DLC1: variants seen among roughly 807,000 people sequenced by gnomAD.
DLC1 encodes rho GTPase-activating protein 7.
In DLC1, 54 loss-of-function variants were observed where a neutral mutation model predicts 140.3. The ratio of observed to expected loss-of-function variants is 0.38; its 90% CI spans 0.31 to 0.48. The LOEUF (loss-of-function observed/expected upper bound fraction) is 0.48. Among genes scored for constraint, DLC1 ranks in the 20% least tolerant of loss-of-function variants. The pLI, the probability that DLC1 is intolerant of heterozygous loss-of-function variation, is 0.96. For synonymous variants in DLC1, 986 were observed against 728.1 expected (o/e 1.35, Z -5.70); for missense variants, 2,536 against 1,907.0 (o/e 1.33, Z -6.14).
At chr8:13,235,071 G>A (rs1829217728) in intron 5 of DLC1, among the ~76,000 whole-genome samples, 1 of 151,888 alleles carries the variant, frequency 6.6e-6, no homozygotes, top group Non-Finnish European at 1.5e-5. Context: ...GTTATCTTTT[G>A]GTGATTTTTG....
intron 4 of DLC1, among the ~76,000 whole-genome samples, chr8:13,377,727 A>T (rs1563297307): frequency 6.6e-6 from 1 of 151,848 alleles, no homozygotes; most frequent in African/African-American, 2.4e-5. Context: ...AACCTCTGAA[A>T]TTTTTTTTAA....
chr8:13,170,461 T>C (rs1433270359), intron 5 of DLC1, among the ~76,000 whole-genome samples: 1 of 152,202 alleles, frequency 6.6e-6, no homozygotes, highest in Non-Finnish European at 1.5e-5. Context: ...CCGGGCGCGG[T>C]GGCTCACGCC....
chr8:13,226,863 G>T (rs1218098872), intron 5 of DLC1, among the ~76,000 whole-genome samples: 2 of 152,016 alleles, frequency 1.3e-5, no homozygotes, highest in Non-Finnish European at 2.9e-5. Flanking sequence ...GATTGTCCTG[G>T]GTATAGCCTT....
At position 13,287,222 on chromosome 8, in the gene DLC1, A is replaced by G. The variant is rs1179141638; in HGVS notation, c.1348+18047T>C. On this transcript the variant is annotated intron_variant, in intron 5 of 17. Coordinates refer to ENST00000276297, the MANE Select transcript of DLC1 (RefSeq NM_182643.3). ...GGCTTTCTGGCCTCTGAAACTAATC[A>G]AAGTGTGGCCAATTCAATGTATGGC... Among the ~76,000 whole-genome samples, 4 of 152,132 alleles carry G rather than the reference A, an allele frequency of 2.6e-5. No homozygotes were observed. The East Asian group carries it at 5.8e-4, about 22-fold the overall frequency.
chr8:13,258,661 A>G (rs1352764420), intron 5 of DLC1, among the ~76,000 whole-genome samples: 1 of 152,200 alleles, frequency 6.6e-6, no homozygotes, highest in Non-Finnish European at 1.5e-5. Flanking sequence ...TGGTTGTTGC[A>G]GTACTTCAAA....
At chr8:13,205,270 A>C (rs933586064) in intron 5 of DLC1, among the ~76,000 whole-genome samples, 3 of 152,222 alleles carry the variant, frequency 2.0e-5, no homozygotes, top group Non-Finnish European at 2.9e-5. Flanking sequence ...GCAATTGTGC[A>C]AGATGATCCA....
intron 1 of DLC1, among the ~76,000 whole-genome samples, chr8:13,604,309 A>T (rs944225509): frequency 3.3e-5 from 5 of 152,154 alleles, no homozygotes; most frequent in Non-Finnish European, 7.4e-5. Context: ...ACATTTTTGG[A>T]TGAATATAGT....
At chr8:13,384,087 G>A (rs1468120586) in intron 4 of DLC1, among the ~76,000 whole-genome samples, 3 of 152,326 alleles carry the variant, frequency 2.0e-5, no homozygotes, top group African/African-American at 7.2e-5. Flanking sequence ...TCATGAGGTT[G>A]CGTTATTGTT....
At chr8:13,347,151 G>A (rs886138665) in intron 4 of DLC1, among the ~76,000 whole-genome samples, 5 of 152,270 alleles carry the variant, frequency 3.3e-5, no homozygotes, top group African/African-American at 4.8e-5. Context: ...TGTGGGTCAC[G>A]GAATATGTTC....
chr8:13,376,497 C>A (rs1443946468), intron 4 of DLC1, among the ~76,000 whole-genome samples: 1 of 152,110 alleles, frequency 6.6e-6, no homozygotes, highest in African/African-American at 2.4e-5. Flanking sequence ...GCAACCTACC[C>A]TTTCAATCAG....
chr8:13,505,507 T>G (rs1802017606), intron 1 of DLC1, among the ~76,000 whole-genome samples: 1 of 152,200 alleles, frequency 6.6e-6, no homozygotes, highest in Admixed American at 6.5e-5. Context: ...TAATTTAAAT[T>G]TTAAAATGTT....
chr8:13,309,744 G>A (rs532946646), intron 4 of DLC1, among the ~76,000 whole-genome samples: 14 of 152,158 alleles, frequency 9.2e-5, no homozygotes, highest in Non-Finnish European at 1.6e-4. Context: ...ACACCTTTTA[G>A]GAACTCACAC....
At chr8:13,534,383 G>T (rs139702781) in intron 1 of DLC1, among the ~76,000 whole-genome samples, 1 of 151,872 alleles carries the variant, frequency 6.6e-6, no homozygotes, top group Non-Finnish European at 1.5e-5. Context: ...CACACCCCTC[G>T]CTAACTGTAA....
At chr8:13,403,525 A>C (rs1482338241) in intron 2 of DLC1, among the ~76,000 whole-genome samples, 3 of 152,228 alleles carry the variant, frequency 2.0e-5, no homozygotes, top group Non-Finnish European at 4.4e-5. Context: ...AAAGGTTGCT[A>C]TAAAGTGGTA....
intron 4 of DLC1, among the ~76,000 whole-genome samples, chr8:13,387,227 T>C (rs1315811500): frequency 2.6e-5 from 4 of 152,050 alleles, no homozygotes. Context: ...TTACCTTGAA[T>C]TCTTTCCCCA....
At chr8:13,400,322 C>G (rs1030665331) in intron 3 of DLC1, among the ~76,000 whole-genome samples, 1 of 152,028 alleles carries the variant, frequency 6.6e-6, no homozygotes, top group African/African-American at 2.4e-5. Flanking sequence ...ATTTATGCCT[C>G]CCAACGAGCC....
At chr8:13,371,876 G>A (rs766283895) in intron 4 of DLC1, among the ~76,000 whole-genome samples, 33 of 152,234 alleles carry the variant, frequency 2.2e-4, no homozygotes, top group Non-Finnish European at 4.4e-5. Flanking sequence ...TATTGAATGA[G>A]TAAATGTAAT....
chr8:13,546,751 C>G (rs987885059), intron 1 of DLC1, among the ~76,000 whole-genome samples: 5 of 152,092 alleles, frequency 3.3e-5, no homozygotes, highest in Admixed American at 1.3e-4. Flanking sequence ...GTAAATGGCT[C>G]TAAGCATTCT....
upstream of DLC1, among the ~76,000 whole-genome samples, chr8:13,516,183 AT>A (rs1422932294): frequency 6.6e-6 from 1 of 152,134 alleles, no homozygotes; most frequent in Admixed American, 6.5e-5. Flanking sequence ...GGGACTGATG[AT>A]CAGATTAATT....
Sources: gnomAD v4.1 joint callset for allele counts (sites outside exome capture counted in the v4.1 genomes callset) on GRCh38, gnomAD v4.1.1 for gene constraint, MANE v1.5 for transcripts, NCBI Gene and HGNC (gene_info 2026-07-23, HGNC 2026-07-21) for gene names.